The following DIP2A variants were observed in gnomAD, a reference collection of about 807,000 sequenced individuals.
DIP2A encodes the protein DIP2 acetate--CoA ligase A, also known as disco-interacting protein 2 homolog A.
DIP2A carries 85 observed loss-of-function variants against 177.4 expected under a neutral mutation model. The observed-to-expected ratio is 0.48, with a 90% CI of 0.40 to 0.57. DIP2A has a LOEUF of 0.57. Among genes scored for constraint, DIP2A ranks in the 20% least tolerant of loss-of-function variants. DIP2A has a pLI of 0.00. For missense variants in DIP2A, 1,791 were observed against 2,100.2 expected (o/e 0.85, Z 2.88); for synonymous variants, 886 against 881.8 (o/e 1.00, Z -0.08).
In DIP2A at chr21:46,534,688, G is replaced by A. The variant is rs1221021982; in HGVS notation, c.1642+1G>A. Reference sequence around the variant, plus strand: ...ACCCAGGCGTGCGGGTACTCAGAAGGTAAGGGCTCTCGGGGGTGGGGCGGT... The same window carrying A: ...ACCCAGGCGTGCGGGTACTCAGAAGATAAGGGCTCTCGGGGGTGGGGCGGT... On this transcript the variant is annotated splice_donor_variant, in intron 13 of 37. Transcript: ENST00000417564. LOFTEE classifies it high-confidence loss of function. 6.2e-7 allele frequency: 1 copy of A among 1,606,668 alleles called. No individual in the cohort carries two copies. The highest frequency in any genetic ancestry group is 8.5e-7 in the Non-Finnish European group (1 of 1,179,504).
chr21:46,555,929 C>A, intron 28 of DIP2A, 53 bp from the exon 29 acceptor site: 1 of 1,352,244 alleles, frequency 7.4e-7, no homozygotes, highest in Non-Finnish European at 1.1e-6. Flanking sequence ...AAGCCCAGAG[C>A]GTTCAGAATA....
chr21:46,554,428 C>T (rs1432897032), intron 26 of DIP2A, 136 bp downstream of exon 26: 131 of 1,544,530 alleles, frequency 8.5e-5, no homozygotes, highest in Non-Finnish European at 5.3e-6. Flanking sequence ...GTGTCTGCCT[C>T]CTCAGCTCAG....
chr21:46,466,089 C>G (rs2054800927), intron 1 of DIP2A, among the ~76,000 whole-genome samples: 1 of 152,144 alleles, frequency 6.6e-6, no homozygotes, highest in Admixed American at 6.6e-5. Context: ...TTGACAGTTT[C>G]TCAATAGTTA....
chr21:46,527,825 T>A (rs2148727348), intron 8 of DIP2A, among the ~76,000 whole-genome samples: 1 of 152,184 alleles, frequency 6.6e-6, no homozygotes, highest in South Asian at 2.1e-4. Flanking sequence ...GGCTGCTTGG[T>A]GAGGGGGTGT....
intron 20 of DIP2A, 73 bp downstream of exon 20, chr21:46,546,034 C>T (rs771307655): frequency 1.3e-4 from 212 of 1,606,406 alleles, no homozygotes; most frequent in Non-Finnish European, 1.8e-4. Flanking sequence ...CACCTCGTTG[C>T]AGCCCCACCC....
Position 46,459,072 on chromosome 21 carries a change from G to T in DIP2A, c.-60G>T, listed in dbSNP as rs114484890. ...GGGGAGCTACGTAGCCGAGGTTTGC[G>T]CTGCCGCCGCCAGGCCCGGTCCGGT... is the stretch of plus-strand genomic sequence containing the variant. On this transcript the variant is annotated 5_prime_UTR_variant, in exon 1 of 38. Coordinates refer to ENST00000417564, the MANE Select transcript of DIP2A (RefSeq NM_015151.4). 2.2e-6 allele frequency: 3 copies of T among 1,353,284 alleles called. No homozygotes were observed. 83.8% of individuals were successfully genotyped at this position (1,353,284 alleles called of 1,614,324 possible).
chr21:46,488,655 T>A, intron 2 of DIP2A, among the ~76,000 whole-genome samples: 1 of 152,218 alleles, frequency 6.6e-6, no homozygotes, highest in South Asian at 2.1e-4. Context: ...TCTTATCACA[T>A]TGGCAAAATT....
At chr21:46,505,103 A>G (rs1039715993) in intron 6 of DIP2A, among the ~76,000 whole-genome samples, 1 of 152,202 alleles carries the variant, frequency 6.6e-6, no homozygotes, top group African/African-American at 2.4e-5. Flanking sequence ...GCTAGGGCCT[A>G]TCATATATGT....
chr21:46,463,451 T>C (rs1038703617), intron 1 of DIP2A, among the ~76,000 whole-genome samples: 2 of 152,206 alleles, frequency 1.3e-5, no homozygotes, highest in African/African-American at 4.8e-5. Flanking sequence ...TCCTACACAA[T>C]AGGCTACCTT....
chr21:46,534,832 A>C (rs1203942333), intron 13 of DIP2A, 145 bp downstream of exon 13: 2 of 676,028 alleles, frequency 3.0e-6, no homozygotes, highest in Non-Finnish European at 5.0e-6. Context: ...CCAGGTAGGG[A>C]GATGCACTGT....
At chr21:46,478,440 G>A (rs562970247) in intron 1 of DIP2A, among the ~76,000 whole-genome samples, 34 of 152,206 alleles carry the variant, frequency 2.2e-4, no homozygotes, top group African/African-American at 7.7e-4. Flanking sequence ...TCGAACTCCG[G>A]ACCTCAGGTG....
chr21:46,567,978 G>C lies in DIP2A; in HGVS notation c.*356G>C. 1 of 194,762 alleles carries C rather than the reference G, an allele frequency of 5.1e-6. No homozygotes were observed. Among genetic ancestry groups the C allele is most frequent in the East Asian group, 1.2e-4 (1 of 8,178 alleles). The allele number at this position is 194,762 out of a possible 1,614,324, so 12.1% of individuals were successfully genotyped here. The stretch of plus-strand genomic sequence containing the variant: ...TCTTTAGGCTAAAAATATAGTTCCT[G>C]ATTTTTAAAATTCAGTTATTTATTC... On this transcript the variant is annotated 3_prime_UTR_variant, in exon 38 of 38. Coordinates refer to ENST00000417564, the MANE Select transcript of DIP2A (RefSeq NM_015151.4).
chr21:46,475,521 T>G (rs555113622), intron 1 of DIP2A, among the ~76,000 whole-genome samples: 1 of 152,336 alleles, frequency 6.6e-6, no homozygotes, highest in South Asian at 2.1e-4. Flanking sequence ...CCTTGGAAAG[T>G]GCAGTATAGT....
At chr21:46,554,322 A>G in intron 26 of DIP2A, 30 bp downstream of exon 26, 1 of 1,611,206 alleles carries the variant, frequency 6.2e-7, no homozygotes, top group Non-Finnish European at 8.5e-7. Context: ...GTCCACCTGC[A>G]GCTCTTTGTA....
At chr21:46,511,329 AC>A in intron 7 of DIP2A, 87 bp from the exon 8 acceptor site, 3 of 1,328,018 alleles carry the variant, frequency 2.3e-6, no homozygotes, top group Non-Finnish European at 3.1e-6. Flanking sequence ...GGATTAAAAA[AC>A]AATATTATAA....
chr21:46,557,758 G>A lies in DIP2A; in HGVS notation c.3798+5G>A. The A allele has an allele frequency of 1.2e-6, 2 of 1,603,528 alleles. No individual in the cohort carries two copies. Among genetic ancestry groups the A allele is most frequent in the Non-Finnish European group, 1.7e-6 (2 of 1,171,378 alleles). ...GCACAGACGGGTGTCCTCAGGGTGA[G>A]TGCCCAGACCCGGGCTTCTGAGTGT... On this transcript the variant is annotated splice_donor_5th_base_variant and intron_variant, in intron 31 of 37. Coordinates refer to ENST00000417564, the MANE Select transcript of DIP2A (RefSeq NM_015151.4). The surrounding 1 kb of genome is among the most constrained non-coding windows in gnomAD (Gnocchi z 6.0).
intron 8 of DIP2A, among the ~76,000 whole-genome samples, chr21:46,525,308 G>T (rs2059027269): frequency 6.6e-6 from 1 of 152,158 alleles, no homozygotes; most frequent in South Asian, 2.1e-4. Context: ...CCATTCACCT[G>T]GAATGTGTTT....
intron 33 of DIP2A, chr21:46,561,121 G>C (rs145296731): frequency 3.0e-6 from 2 of 658,478 alleles, no homozygotes; most frequent in Admixed American, 6.3e-5. Flanking sequence ...GTGACATTTG[G>C]TTCTTTAGAG....
intron 1 of DIP2A, among the ~76,000 whole-genome samples, chr21:46,483,647 C>T (rs1234280016): frequency 6.6e-6 from 1 of 152,246 alleles, no homozygotes; most frequent in Non-Finnish European, 1.5e-5. Flanking sequence ...GTCAGATATT[C>T]AACGGTGTCA....
Sources: gnomAD v4.1 joint callset for allele counts (sites outside exome capture counted in the v4.1 genomes callset) on GRCh38, gnomAD v4.1.1 for gene constraint, Gnocchi (gnomAD v3.1) non-coding constraint, MANE v1.5 for transcripts, NCBI Gene and HGNC (gene_info 2026-07-23, HGNC 2026-07-21) for gene names.